Variants in BNC2 observed in about 807,000 individuals in gnomAD.
The protein encoded by BNC2 is basonuclin zinc finger protein 2, also known as zinc finger protein basonuclin-2.
Under a neutral mutation model 76.3 loss-of-function variants are expected in BNC2, and 20 were observed. The observed-to-expected ratio is 0.26, with a 90% CI of 0.18 to 0.38. The LOEUF is 0.38. Ranked by LOEUF, BNC2 falls within the 10% of genes least tolerant of loss-of-function variation. The pLI, the probability that BNC2 is intolerant of heterozygous loss-of-function variation, is 1.00. For missense variants in BNC2, 1,382 were observed against 1,399.8 expected, an observed-to-expected ratio of 0.99 and a Z score of 0.20; for synonymous variants, 582 against 514.8, an observed-to-expected ratio of 1.13 and a Z score of -1.77.
intron 5 of BNC2, among the ~76,000 whole-genome samples, chr9:16,454,249 T>C (rs1821401038): frequency 6.6e-6 from 1 of 152,224 alleles, no homozygotes; most frequent in East Asian, 1.9e-4. Context: ...CACATCTTTC[T>C]ACCCCTAGAG....
At chr9:16,480,521 G>A (rs963014539) in intron 5 of BNC2, among the ~76,000 whole-genome samples, 1 of 152,194 alleles carries the variant, frequency 6.6e-6, no homozygotes, top group African/African-American at 2.4e-5. Context: ...AGAGGCGGGA[G>A]CAGGAACCGG....
At chr9:16,716,261 A>G (rs1823992668) in intron 3 of BNC2, among the ~76,000 whole-genome samples, 1 of 152,252 alleles carries the variant, frequency 6.6e-6, no homozygotes, top group African/African-American at 2.4e-5. Flanking sequence ...TTTAAGATGC[A>G]TGACTATTAT....
intron 3 of BNC2, among the ~76,000 whole-genome samples, chr9:16,646,693 C>A (rs1371985571): frequency 6.6e-6 from 1 of 152,114 alleles, no homozygotes; most frequent in East Asian, 1.9e-4. Flanking sequence ...CATTTTGTCA[C>A]AACTCATAAA....
chr9:16,739,720 G>GA (rs904847351), intron 1 of BNC2, among the ~76,000 whole-genome samples: 63 of 145,948 alleles, frequency 4.3e-4, no homozygotes, highest in Non-Finnish European at 1.5e-4. Context: ...TACGGCTGGA[G>GA]AAAAAAAAAA....
intron 4 of BNC2, among the ~76,000 whole-genome samples, chr9:16,566,259 T>C (rs748349457): frequency 6.6e-6 from 1 of 152,108 alleles, no homozygotes; most frequent in Admixed American, 6.5e-5. Flanking sequence ...TGTTGAGTAA[T>C]CATACTGTTG....
Position 16,439,099 on chromosome 9 carries a change from T to C in BNC2, c.670-1575A>G, listed in dbSNP as rs938855774. 4.6e-4 allele frequency among the ~76,000 whole-genome samples: 70 copies of C among 152,184 alleles called. 1 individual carries two copies. Among genetic ancestry groups the C allele is most frequent in the African/African-American group, 1.4e-3 (58 of 41,450 alleles). On this transcript the variant is annotated intron_variant, in intron 5 of 6. Coordinates refer to ENST00000380672, the MANE Select transcript of BNC2 (RefSeq NM_017637.6). ...CTGCGCATGCTCTTGCCTGCTTCCA[T>C]GTAAGATGTGACTTTGCTCCTCCTT...
chr9:16,783,170 G>C (rs1247588086), intron 1 of BNC2, among the ~76,000 whole-genome samples: 1 of 152,132 alleles, frequency 6.6e-6, no homozygotes, highest in Non-Finnish European at 1.5e-5. Context: ...AATTAAGGGA[G>C]ACAATTAAAA....
At chr9:16,553,843 C>G (rs1412137373) in intron 4 of BNC2, among the ~76,000 whole-genome samples, 1 of 152,138 alleles carries the variant, frequency 6.6e-6, no homozygotes, top group Non-Finnish European at 1.5e-5. Context: ...AGCAATAACA[C>G]TGTCTTATCT....
At chr9:16,595,053 C>T (rs1221246466) in intron 3 of BNC2, among the ~76,000 whole-genome samples, 2 of 152,034 alleles carry the variant, frequency 1.3e-5, no homozygotes, top group African/African-American at 2.4e-5. Flanking sequence ...AAGTGGTACA[C>T]TTTTAAATAA....
At chr9:16,615,276 A>G (rs1206213260) in intron 3 of BNC2, among the ~76,000 whole-genome samples, 6 of 152,158 alleles carry the variant, frequency 3.9e-5, no homozygotes. Flanking sequence ...TGTGCCAGGC[A>G]TTAGGCTAAA....
intron 6 of BNC2, among the ~76,000 whole-genome samples, chr9:16,434,496 A>C (rs1490579914): frequency 6.6e-6 from 1 of 152,220 alleles, no homozygotes; most frequent in East Asian, 1.9e-4. Flanking sequence ...GACAATGTAG[A>C]ACCAAAAACC....
At chr9:16,834,175 C>G (rs1263263507) in intron 1 of BNC2, among the ~76,000 whole-genome samples, 1 of 140,484 alleles carries the variant, frequency 7.1e-6, no homozygotes, top group Non-Finnish European at 1.5e-5. Flanking sequence ...CTCAAAAAAA[C>G]TTTGACCATC....
intron 3 of BNC2, among the ~76,000 whole-genome samples, chr9:16,586,241 C>T (rs921149476): frequency 1.3e-5 from 2 of 151,980 alleles, no homozygotes; most frequent in African/African-American, 4.8e-5. Flanking sequence ...TCAGCATATC[C>T]CAACTCCCCA....
At chr9:16,869,844 C>T (rs1427941120) in intron 1 of BNC2, among the ~76,000 whole-genome samples, 1 of 152,166 alleles carries the variant, frequency 6.6e-6, no homozygotes, top group Non-Finnish European at 1.5e-5. Context: ...TTTTTTCAAC[C>T]TTAAACTCAC....
chr9:16,808,607 G>C (rs997274029), intron 1 of BNC2, among the ~76,000 whole-genome samples: 1 of 148,214 alleles, frequency 6.7e-6, no homozygotes, highest in East Asian at 2.0e-4. Flanking sequence ...TCCCACCTCG[G>C]CCTCCTGAGT....
chr9:16,642,699 T>C (rs1256834240), intron 3 of BNC2, among the ~76,000 whole-genome samples: 3 of 152,188 alleles, frequency 2.0e-5, no homozygotes, highest in African/African-American at 7.2e-5. Flanking sequence ...AGTGAGTGCC[T>C]TGGGGCCACA....
intron 1 of BNC2, among the ~76,000 whole-genome samples, chr9:16,835,807 G>C (rs966350873): frequency 6.6e-6 from 1 of 152,176 alleles, no homozygotes; most frequent in Non-Finnish European, 1.5e-5. Context: ...TAACTCTCTT[G>C]CCAAGAAAAA....
chr9:16,731,171 A>G (rs1353403078), intron 2 of BNC2, among the ~76,000 whole-genome samples: 1 of 152,242 alleles, frequency 6.6e-6, no homozygotes, highest in Non-Finnish European at 1.5e-5. Context: ...CACTGGCTAC[A>G]TAGTCTGACA....
At chr9:16,448,257 T>G (rs1012048410) in intron 5 of BNC2, among the ~76,000 whole-genome samples, 1 of 152,154 alleles carries the variant, frequency 6.6e-6, no homozygotes, top group Non-Finnish European at 1.5e-5. Context: ...TTTACATTTC[T>G]AAACATAAAT....
Sources: allele counts gnomAD v4.1 joint callset (sites outside exome capture counted in the v4.1 genomes callset), GRCh38; gene constraint gnomAD v4.1.1; transcripts MANE v1.5; gene names NCBI Gene and HGNC (gene_info 2026-07-23, HGNC 2026-07-21).